Variants in F5 observed in about 807,000 individuals in gnomAD.
The protein encoded by F5 is coagulation factor V, also known as activated protein c cofactor.
A neutral mutation model predicts 216.4 loss-of-function variants in F5; 138 were observed. The observed-to-expected ratio is 0.64, with a 90% CI of 0.56 to 0.73. The LOEUF is 0.73. Among genes scored for constraint, F5 ranks in the 30% least tolerant of loss-of-function variants. The probability of loss-of-function intolerance (pLI) is 0.00; values close to 1 mark genes in which losing one functional copy is unlikely to be tolerated. For missense variants in F5, 2,403 were observed against 2,674.0 expected (o/e 0.90, Z 2.24); for synonymous variants, 916 against 930.7 (o/e 0.98, Z 0.29).
chr1:169,524,800 G>GCA (rs1659397649), intron 19 of F5, 37 bp downstream of exon 19: 9 of 1,530,812 alleles, frequency 5.9e-6, no homozygotes, highest in Non-Finnish European at 8.1e-6. Flanking sequence ...CACAACTGTA[G>GCA]GGGGTACCAT....
At chr1:169,553,881 C>T (rs1245919608) in intron 7 of F5, among the ~76,000 whole-genome samples, 1 of 152,188 alleles carries the variant, frequency 6.6e-6, no homozygotes. Flanking sequence ...TTGTGGAAGA[C>T]AGTATGGCAG....
intron 2 of F5, among the ~76,000 whole-genome samples, chr1:169,579,151 C>T (rs1205036384): frequency 6.6e-6 from 1 of 151,262 alleles, no homozygotes; most frequent in Non-Finnish European, 1.5e-5. Context: ...TCCATTCACT[C>T]CTCAACACCC....
Position 169,515,549 on chromosome 1 carries a change from G to T in F5, c.6423C>A (p.Cys2141Ter). The T allele has an allele frequency of 6.2e-7, 1 of 1,613,496 alleles. No homozygotes were observed. The highest frequency in any genetic ancestry group is 1.1e-5 in the South Asian group (1 of 91,072). The change falls in exon 24 of 25, where the codon TGC (cysteine) becomes TGA (stop). Residue 2141 changes from cysteine (C) to a stop codon, truncating the protein, a stop_gained. Coordinates refer to ENST00000367797, the MANE Select transcript of F5 (RefSeq NM_000130.5). LOFTEE classifies it high-confidence loss of function. ...KKITAIITQG[C>*]KSLSSEMYVK... The stretch of plus-strand genomic sequence containing the variant: ...CATACATTTCAGAGGACAGAGACTT[G>T]CAGCCCTGTGTTATAATTGCCGTTA...
At chr1:169,552,246 A>C (rs1660189952) in intron 8 of F5, among the ~76,000 whole-genome samples, 1 of 152,208 alleles carries the variant, frequency 6.6e-6, no homozygotes, top group South Asian at 2.1e-4. Context: ...AGCTTAGGAC[A>C]AAATTTGAAG....
chr1:169,550,781 T>C (rs1483726795), intron 8 of F5, 42 bp from the exon 9 acceptor site: 1 of 1,412,674 alleles, frequency 7.1e-7, no homozygotes, highest in Non-Finnish European at 1.0e-6. Flanking sequence ...TTAAGGTTGA[T>C]CATGACAAAT....
In F5 at chr1:169,529,600, G is replaced by T. The variant is rs1469071490; in HGVS notation, c.5419+8C>A. 1 of 1,611,526 alleles carries T rather than the reference G, an allele frequency of 6.2e-7. No individual in the cohort carries two copies. The highest frequency in any genetic ancestry group is 8.5e-7 in the Non-Finnish European group (1 of 1,177,880). On this transcript the variant is annotated splice_region_variant and intron_variant, in intron 16 of 24. Coordinates refer to ENST00000367797, the MANE Select transcript of F5 (RefSeq NM_000130.5). ...TTAGGAGATTAGATCAAAGTCTGAG[G>T]AAAATACCGTGAAACTCATGGGATT...
At chr1:169,539,577 T>C (rs1659785953) in intron 13 of F5, among the ~76,000 whole-genome samples, 1 of 152,228 alleles carries the variant, frequency 6.6e-6, no homozygotes, top group African/African-American at 2.4e-5. Context: ...AATGAACTCA[T>C]ATGCATAAGT....
In F5 at chr1:169,536,526, C is replaced by T; in HGVS notation, c.4951G>A (p.Glu1651Lys). The change falls in exon 14 of 25, where the codon GAA (glutamate) becomes AAA (lysine). Residue 1651 changes from glutamate (E) to lysine (K), a missense_variant. Around this residue, in one of 4 missense-constraint regions of F5, gnomAD observed 659 missense variants for 787.9 expected, o/e 0.84. Coordinates refer to ENST00000367797, the MANE Select transcript of F5 (RefSeq NM_000130.5). ...LGILGPIIRA[E>K]VDDVIQVRFK... ...CTTACTTGGATAACATCATCCACTT[C>T]AGCTCTGATAATAGGACCAAGAATT... 1 of 1,613,362 alleles carries T rather than the reference C, an allele frequency of 6.2e-7. No homozygotes were observed.
At chr1:169,517,129 C>A (rs966991489) in intron 23 of F5, among the ~76,000 whole-genome samples, 1 of 152,010 alleles carries the variant, frequency 6.6e-6, no homozygotes, top group Non-Finnish European at 1.5e-5. Flanking sequence ...TTGCCCTCTG[C>A]AAAATTGCAA....
chr1:169,523,322 C>G lies in F5; in HGVS notation c.5923G>C (p.Gly1975Arg), dbSNP rs146312772. 7.7e-5 allele frequency: 125 copies of G among 1,613,924 alleles called. No homozygotes were observed. Among genetic ancestry groups the G allele is most frequent in the Admixed American group, 1.7e-5 (1 of 59,992 alleles). ...TGTTTGGCACCTTGGGTCTGGATCC[C>G]TGTGATTATGACTTCCTTTTGCATG... ...VDMQKEVIIT[G>R]IQTQGAKHYL... is the part of the protein sequence containing the mutation. The change falls in exon 21 of 25, where the codon GGG becomes CGG. Residue 1975 changes from glycine to arginine, a missense_variant. Gly to Arg is a moderately radical substitution (Grantham distance 125). Transcript: ENST00000367797.
At chr1:169,568,407 A>C (rs1462873033) in intron 3 of F5, among the ~76,000 whole-genome samples, 4 of 152,248 alleles carry the variant, frequency 2.6e-5, no homozygotes, top group East Asian at 3.9e-4. Context: ...CCTTTAGTCT[A>C]GAATAAAACA....
At position 169,527,343 on chromosome 1, in the gene F5, A is replaced by G. The variant is rs150512660; in HGVS notation, c.5599+572T>C. Among the ~76,000 whole-genome samples, 52 of 152,350 alleles carry G rather than the reference A, an allele frequency of 3.4e-4. No homozygotes were observed. The East Asian group carries it at 9.1e-3, about 27-fold the overall frequency. On this transcript the variant is annotated intron_variant, in intron 17 of 24. Transcript: ENST00000367797. ...ATTGGCACAGAAACATCCCTTCTGT[A>G]TAATTGTAGACTGTTTAAATCTACA... is the stretch of plus-strand genomic sequence containing the variant.
At chr1:169,565,949 C>A (rs1660589206) in intron 3 of F5, among the ~76,000 whole-genome samples, 1 of 152,020 alleles carries the variant, frequency 6.6e-6, no homozygotes, top group Non-Finnish European at 1.5e-5. Flanking sequence ...TAAGTCACTT[C>A]CTGTAAGTTA....
chr1:169,540,424 T>G lies in F5; in HGVS notation c.4666A>C (p.Thr1556Pro). 6.2e-7 allele frequency: 1 copy of G among 1,614,004 alleles called. No homozygotes were observed. Residue 1556 changes from threonine (T) to proline (P), a missense_variant, in exon 13 of 25, where the codon ACA becomes CCA. By Grantham distance (38) the Thr-to-Pro change is conservative. Around this residue, in one of 4 missense-constraint regions of F5, gnomAD observed 293 missense variants for 270.8 expected, o/e 1.08. Transcript: ENST00000367797. The part of the protein sequence containing the change: ...YDDPYKTDVR[T>P]NINSSRDPDN... ...GGATCTCTGGAGGAGTTGATGTTTG[T>G]CCTAACATCAGTTTTGTAGGGGTCA... is the stretch of plus-strand genomic sequence containing the variant.
intron 4 of F5, among the ~76,000 whole-genome samples, 179 bp downstream of exon 4, chr1:169,560,375 C>T (rs1055540915): frequency 6.6e-6 from 1 of 152,034 alleles, no homozygotes; most frequent in Non-Finnish European, 1.5e-5. Context: ...AGAGGTGGAT[C>T]CACACCCTGA....
intron 2 of F5, among the ~76,000 whole-genome samples, chr1:169,578,586 C>T (rs1417885677): frequency 6.6e-5 from 10 of 152,188 alleles, no homozygotes; most frequent in Admixed American, 6.5e-4. Context: ...CCCCAATCCT[C>T]TTTTCCTGGC....
intron 10 of F5, 126 bp from the exon 11 acceptor site, chr1:169,546,718 GGGAA>G: frequency 1.2e-6 from 1 of 843,724 alleles, no homozygotes; most frequent in Non-Finnish European, 1.9e-6. Context: ...GCAAGCAATA[GGGAA>G]AGGATTCTCT....
At chr1:169,549,438 T>G (rs1660108477) in intron 10 of F5, among the ~76,000 whole-genome samples, 1 of 152,182 alleles carries the variant, frequency 6.6e-6, no homozygotes, top group African/African-American at 2.4e-5. Flanking sequence ...GGTATCTCAC[T>G]GAACCCCCAA....
chr1:169,571,652 C>T (rs1660725498), intron 3 of F5, among the ~76,000 whole-genome samples: 1 of 152,126 alleles, frequency 6.6e-6, no homozygotes, highest in South Asian at 2.1e-4. Context: ...GGGCCAAACC[C>T]AACCAATTTC....
Sources: allele counts gnomAD v4.1 joint callset (sites outside exome capture counted in the v4.1 genomes callset), GRCh38; gene constraint gnomAD v4.1.1; regional missense constraint gnomAD v4.1.1; transcripts MANE v1.5; gene names NCBI Gene and HGNC (gene_info 2026-07-23, HGNC 2026-07-21).